Variants in ATF7IP observed in about 807,000 individuals in gnomAD.
ATF7IP encodes the protein activating transcription factor 7 interacting protein, also known as activating transcription factor 7-interacting protein 1.
Under a neutral mutation model 106.4 loss-of-function variants are expected in ATF7IP, and 23 were observed. That is an observed-to-expected ratio of 0.22 (90% CI 0.16 to 0.31). The LOEUF (loss-of-function observed/expected upper bound fraction) is 0.31. Among genes scored for constraint, ATF7IP ranks in the 10% least tolerant of loss-of-function variants. The pLI is 1.00. For synonymous variants in ATF7IP, 542 were observed against 539.0 expected (o/e 1.01, Z -0.08); for missense variants, 1,334 against 1,524.3 (o/e 0.88, Z 2.08).
At chr12:14,491,364 T>C (rs1056446407) in intron 13 of ATF7IP, among the ~76,000 whole-genome samples, 1 of 152,218 alleles carries the variant, frequency 6.6e-6, no homozygotes, top group Middle Eastern at 3.2e-3. Context: ...TCTTTCACCT[T>C]AACAGGAATG....
At chr12:14,483,153 T>G (rs1383748834) in intron 13 of ATF7IP, among the ~76,000 whole-genome samples, 1 of 152,228 alleles carries the variant, frequency 6.6e-6, no homozygotes, top group Non-Finnish European at 1.5e-5. Context: ...TGTGTTCTCT[T>G]TGCCTTCAGC....
At chr12:14,426,529 CTTTTT>C (rs200611526) in intron 2 of ATF7IP, among the ~76,000 whole-genome samples, 1 of 131,770 alleles carries the variant, frequency 7.6e-6, no homozygotes, top group Non-Finnish European at 1.6e-5. Flanking sequence ...TAAAAAATGG[CTTTTT>C]TTTTTTTTTT....
In ATF7IP at chr12:14,424,786, C is replaced by A. The variant is rs760154510; in HGVS notation, c.871C>A (p.Pro291Thr). The A allele has an allele frequency of 6.2e-7, 1 of 1,614,028 alleles. No homozygotes were observed. Among genetic ancestry groups the A allele is most frequent in the South Asian group, 1.1e-5 (1 of 91,074 alleles). ...ATCAACCTTTGATCGTACCTTTGAA[C>A]CAAAGTCTGTACCAGTTTGTGAACC... ...SESTFDRTFE[P>T]KSVPVCEPVP... Residue 291 changes from proline to threonine, a missense_variant, in exon 2 of 15, where the codon CCA becomes ACA. Physicochemically the swap from Pro to Thr is conservative, Grantham distance 38 (BLOSUM62 -1). This residue lies in a region of ATF7IP where 438 missense variants were observed against 405.3 expected (regional missense o/e 1.08). Transcript: ENST00000261168.
At chr12:14,419,789 T>TTA (rs1326541780) in intron 1 of ATF7IP, among the ~76,000 whole-genome samples, 2 of 152,146 alleles carry the variant, frequency 1.3e-5, no homozygotes, top group African/African-American at 4.8e-5. Context: ...TTTTGTATTA[T>TTA]TATATATACA....
Position 14,424,177 on chromosome 12 carries a change from T to C in ATF7IP, c.262T>C (p.Trp88Arg). 2 of 1,614,172 alleles carry C rather than the reference T, an allele frequency of 1.2e-6. No homozygotes were observed. Among genetic ancestry groups the C allele is most frequent in the Non-Finnish European group, 1.7e-6 (2 of 1,180,016 alleles). The change falls in exon 2 of 15, where the codon TGG (tryptophan) becomes CGG (arginine). Residue 88 changes from tryptophan (W) to arginine (R), a missense_variant. By Grantham distance (101) the Trp-to-Arg change is moderately radical. Around this residue, in one of 10 missense-constraint regions of ATF7IP, gnomAD observed 74 missense variants for 101.9 expected, o/e 0.73. Transcript: ENST00000261168. ...TGATCCTGAAGGAAGTAAAGCAGAATGGAAGGAAACACCCTGTATCCTAAG... is the reference window on the plus strand; with the variant it reads ...TGATCCTGAAGGAAGTAAAGCAGAACGGAAGGAAACACCCTGTATCCTAAG... ...CFDPEGSKAE[W>R]KETPCILSVN...
chr12:14,383,115 A>T lies in ATF7IP; in HGVS notation c.-8+17288A>T, dbSNP rs114256348. On this transcript the variant is annotated intron_variant, in intron 1 of 14. Coordinates refer to ENST00000261168, the MANE Select transcript of ATF7IP (RefSeq NM_018179.5). ...GATGGATAAAGCTCTGTCAGCTGGTACTAAGTGTTGTCTGGGTTGTATTTC... is the reference window on the plus strand; with the variant it reads ...GATGGATAAAGCTCTGTCAGCTGGTTCTAAGTGTTGTCTGGGTTGTATTTC... 2.6e-3 allele frequency among the ~76,000 whole-genome samples: 397 copies of T among 152,332 alleles called. 3 individuals carry two copies. Among genetic ancestry groups the T allele is most frequent in the African/African-American group, 9.1e-3 (378 of 41,568 alleles).
intron 1 of ATF7IP, among the ~76,000 whole-genome samples, chr12:14,402,124 T>G (rs1940260832): frequency 7.9e-6 from 1 of 125,804 alleles, no homozygotes; most frequent in Non-Finnish European, 1.6e-5. Flanking sequence ...TCTTTTCTTC[T>G]TTCTTTTTTT....
At chr12:14,476,153 A>T in intron 11 of ATF7IP, 185 bp downstream of exon 11, 1 of 510,956 alleles carries the variant, frequency 2.0e-6, no homozygotes, top group Non-Finnish European at 3.5e-6. Flanking sequence ...TCACACCTGT[A>T]ATCCCAGTGC....
At chr12:14,459,781 G>C (rs1943570863) in intron 8 of ATF7IP, among the ~76,000 whole-genome samples, 1 of 152,166 alleles carries the variant, frequency 6.6e-6, no homozygotes, top group Non-Finnish European at 1.5e-5. Context: ...CTGTTGCAAT[G>C]AGAATAAACA....
intron 1 of ATF7IP, among the ~76,000 whole-genome samples, chr12:14,397,757 T>G (rs1939934185): frequency 6.6e-6 from 1 of 152,186 alleles, no homozygotes; most frequent in South Asian, 2.1e-4. Flanking sequence ...CATTTCCTCA[T>G]ACAACTTACT....
rs753609798 is a variant in ATF7IP, at chr12:14,424,689, T to C, written c.774T>C (p.Asp258=). 1 of 1,614,158 alleles carries C rather than the reference T, an allele frequency of 6.2e-7. No homozygotes were observed. ...CCTCTGATGATCTGGCCTCTGGTGATCTATCCTCTAGTGAACTGGCCTCTG... is the reference window on the plus strand; with the variant it reads ...CCTCTGATGATCTGGCCTCTGGTGACCTATCCTCTAGTGAACTGGCCTCTG... ...DPASDDLASG[D]LSSSELASDD... Residue 258 remains aspartate, a synonymous_variant, in exon 2 of 15, where the codon GAT becomes GAC. Transcript: ENST00000261168.
chr12:14,379,487 C>T lies in ATF7IP; in HGVS notation c.-8+13660C>T, dbSNP rs139557779. Among the ~76,000 whole-genome samples the T allele has an allele frequency of 1.6e-4, 24 of 151,954 alleles. 1 individual carries two copies. Among genetic ancestry groups the T allele is most frequent in the Admixed American group, 1.3e-3 (20 of 15,122 alleles). ...TTTCCTTCACCTGTCTTCTAGGACC[C>T]TTGTTTTCCAAATGCTATGTCTTTT... On this transcript the variant is annotated intron_variant, in intron 1 of 14. Coordinates refer to ENST00000261168, the MANE Select transcript of ATF7IP (RefSeq NM_018179.5).
Position 14,497,714 on chromosome 12 carries a change from C to T in ATF7IP, c.3454C>T (p.Pro1152Ser), listed in dbSNP as rs1211537761. The change falls in exon 15 of 15, where the codon CCC becomes TCC. Residue 1152 changes from proline (P) to serine (S), a missense_variant. Physicochemically the swap from Pro to Ser is moderately conservative, Grantham distance 74. This residue lies in a region of ATF7IP where 80 missense variants were observed against 157.0 expected (regional missense o/e 0.51). Transcript: ENST00000261168. Reference protein sequence around the residue: ...LPEAPQPQRLPPEAASTSLPQ... With the variant: ...LPEAPQPQRLSPEAASTSLPQ... ...AGAAGCTCCACAACCACAGCGTCTGCCCCCAGAAGCTGCCAGCACATCTCT... is the reference window on the plus strand; with the variant it reads ...AGAAGCTCCACAACCACAGCGTCTGTCCCCAGAAGCTGCCAGCACATCTCT... 1.9e-6 allele frequency: 3 copies of T among 1,614,052 alleles called. No homozygotes were observed. The highest frequency in any genetic ancestry group is 2.5e-6 in the Non-Finnish European group (3 of 1,180,038).
Position 14,500,602 on chromosome 12 carries a change from A to G in ATF7IP, c.*2529A>G, listed in dbSNP as rs1381477095. The G allele has an allele frequency of 6.6e-6, 1 of 152,224 alleles. No individual in the cohort carries two copies. Among genetic ancestry groups the G allele is most frequent in the Non-Finnish European group, 1.5e-5 (1 of 68,030 alleles). The allele number at this position is 152,224 out of a possible 1,614,324, so 9.4% of individuals were successfully genotyped here. On this transcript the variant is annotated 3_prime_UTR_variant, in exon 15 of 15. Coordinates refer to ENST00000261168, the MANE Select transcript of ATF7IP (RefSeq NM_018179.5). ...TATGTGTTCAAGATTATTCCTGTCT[A>G]CAAAACTGAAGGCCCATGTTCAAAT... is the stretch of plus-strand genomic sequence containing the variant.
At chr12:14,393,007 G>A (rs1939649572) in intron 1 of ATF7IP, among the ~76,000 whole-genome samples, 1 of 152,148 alleles carries the variant, frequency 6.6e-6, no homozygotes, top group South Asian at 2.1e-4. Context: ...ATCAACAGTT[G>A]CCATTGTTAG....
intron 9 of ATF7IP, among the ~76,000 whole-genome samples, chr12:14,464,433 C>A (rs139442974): frequency 1.3e-5 from 2 of 152,238 alleles, no homozygotes; most frequent in Admixed American, 1.3e-4. Context: ...TCTGTTCATA[C>A]AATTATCCAG....
chr12:14,476,267 C>CCAGGCA, intron 11 of ATF7IP: 1 of 223,622 alleles, frequency 4.5e-6, no homozygotes, highest in Non-Finnish European at 8.9e-6. Context: ...TAAAAATTAG[C>CCAGGCA]TGGGTGTGAT....
chr12:14,410,744 A>T (rs1363405655), intron 1 of ATF7IP, among the ~76,000 whole-genome samples: 7 of 151,660 alleles, frequency 4.6e-5, no homozygotes, highest in Admixed American at 1.3e-4. Context: ...TTATAAGTTA[A>T]ATGTATGTAT....
At chr12:14,441,188 C>T (rs1023440634) in intron 5 of ATF7IP, among the ~76,000 whole-genome samples, 5 of 152,154 alleles carry the variant, frequency 3.3e-5, no homozygotes, top group Non-Finnish European at 7.3e-5. Context: ...ATTTTCTGTT[C>T]CCACCAGCAA....
Sources: allele counts gnomAD v4.1 joint callset (sites outside exome capture counted in the v4.1 genomes callset), GRCh38; gene constraint gnomAD v4.1.1; regional missense constraint gnomAD v4.1.1; transcripts MANE v1.5; gene names NCBI Gene and HGNC (gene_info 2026-07-23, HGNC 2026-07-21).